Variants in SORCS2 observed in about 807,000 individuals in gnomAD.
The protein encoded by SORCS2 is sortilin related VPS10 domain containing receptor 2, also known as VPS10 domain-containing receptor SorCS2.
A neutral mutation model predicts 141.6 loss-of-function variants in SORCS2; 100 were observed. The ratio of observed to expected loss-of-function variants is 0.71; its 90% CI spans 0.60 to 0.83. The LOEUF (loss-of-function observed/expected upper bound fraction) is 0.83, where lower values mean the gene tolerates loss of function less well. Among genes scored for constraint, SORCS2 ranks in the 40% least tolerant of loss-of-function variants. The probability of loss-of-function intolerance (pLI) is 0.00; values close to 1 mark genes in which losing one functional copy is unlikely to be tolerated. For synonymous variants in SORCS2, 789 were observed against 676.9 expected, an observed-to-expected ratio of 1.17 and a Z score of -2.57; for missense variants, 1,646 against 1,560.2, an observed-to-expected ratio of 1.05 and a Z score of -0.93.
intron 3 of SORCS2, among the ~76,000 whole-genome samples, chr4:7,551,717 C>T: frequency 6.6e-6 from 1 of 152,228 alleles, no homozygotes; most frequent in East Asian, 1.9e-4. Flanking sequence ...GGAGCCTTCC[C>T]TGGCTCTCCA....
intron 4 of SORCS2, among the ~76,000 whole-genome samples, chr4:7,641,666 A>G (rs1183089847): frequency 6.6e-6 from 1 of 152,234 alleles, no homozygotes; most frequent in Non-Finnish European, 1.5e-5. Flanking sequence ...CCCGGCTGAA[A>G]ATATTAGTTG....
At position 7,723,810 on chromosome 4, in the gene SORCS2, C is replaced by T; in HGVS notation, c.2538C>T (p.Gly846=). ...TCCGGCACCGCTACGAGAGCCCCGG[C>T]ATCTACCGCGTGTCCGTCAGGGCAG... ...EPIRHRYESP[G]IYRVSVRAEN... Residue 846 remains glycine (G), a synonymous_variant, in exon 19 of 27, where the codon GGC becomes GGT. Coordinates refer to ENST00000507866, the MANE Select transcript of SORCS2 (RefSeq NM_020777.3). The T allele has an allele frequency of 1.2e-6, 2 of 1,613,712 alleles. No individual in the cohort carries two copies. Among genetic ancestry groups the T allele is most frequent in the African/African-American group, 1.3e-5 (1 of 75,080 alleles).
chr4:7,304,501 T>C (rs1235261318), intron 1 of SORCS2, among the ~76,000 whole-genome samples: 2 of 152,198 alleles, frequency 1.3e-5, no homozygotes, highest in Non-Finnish European at 2.9e-5. Flanking sequence ...ATCCAGTGTG[T>C]TTGTTGAACA....
At chr4:7,484,469 G>T (rs1254042733) in intron 2 of SORCS2, among the ~76,000 whole-genome samples, 3 of 152,132 alleles carry the variant, frequency 2.0e-5, no homozygotes, top group Non-Finnish European at 2.9e-5. Flanking sequence ...GGGAAGGAAC[G>T]CTGTCCAGGG....
intron 2 of SORCS2, among the ~76,000 whole-genome samples, chr4:7,491,819 A>G (rs1448977930): frequency 6.6e-6 from 1 of 152,046 alleles, no homozygotes; most frequent in East Asian, 1.9e-4. Context: ...CAGGGCACCC[A>G]TCAGGTCAGG....
In SORCS2 at chr4:7,737,131, GC is replaced by G; in HGVS notation, c.3377del (p.Pro1126LeufsTer2). ...MHNEKEQEMT[S>X]PVSHSEDVQG... ...AACGAGAAGGAGCAGGAGATGACCA[GC>G]CCTGTGAGTCACAGTGAGGACGTCC... On this transcript the variant is annotated frameshift_variant, in exon 26 of 27. Transcript: ENST00000507866. LOFTEE classifies it high-confidence loss of function. The G allele has an allele frequency of 6.4e-7, 1 of 1,551,452 alleles. No homozygotes were observed. Among genetic ancestry groups the G allele is most frequent in the East Asian group, 2.4e-5 (1 of 40,890 alleles).
intron 22 of SORCS2, 147 bp downstream of exon 22, chr4:7,728,609 T>C (rs981319845): frequency 2.1e-5 from 13 of 608,512 alleles, no homozygotes; most frequent in Non-Finnish European, 3.4e-5. Flanking sequence ...CAGCTGGGGA[T>C]GTTGAAAGCT....
chr4:7,706,081 G>GT (rs1560498563), intron 14 of SORCS2, among the ~76,000 whole-genome samples: 125 of 143,478 alleles, frequency 8.7e-4, no homozygotes, highest in East Asian at 2.7e-3. Flanking sequence ...GCTGGGCTCT[G>GT]CCTGGACAGA....
chr4:7,288,207 A>C (rs1431274691), intron 1 of SORCS2, among the ~76,000 whole-genome samples: 1 of 152,194 alleles, frequency 6.6e-6, no homozygotes, highest in Non-Finnish European at 1.5e-5. Context: ...CCTCAGGATG[A>C]GCACCTGAAG....
At chr4:7,710,965 C>T (rs749799886) in intron 14 of SORCS2, among the ~76,000 whole-genome samples, 3 of 152,204 alleles carry the variant, frequency 2.0e-5, no homozygotes, top group African/African-American at 7.2e-5. Flanking sequence ...AGCCCAGAAC[C>T]AGGGGCCTGG....
intron 3 of SORCS2, among the ~76,000 whole-genome samples, chr4:7,609,752 G>A (rs867903945): frequency 6.6e-5 from 10 of 152,218 alleles, no homozygotes; most frequent in Admixed American, 2.0e-4. Context: ...CCCATGACCC[G>A]GGACCTCCGG....
chr4:7,593,667 G>A (rs1717064940), intron 3 of SORCS2, among the ~76,000 whole-genome samples: 1 of 152,150 alleles, frequency 6.6e-6, no homozygotes. Flanking sequence ...GCGGGGGTGG[G>A]GGCGGCCCCA....
At chr4:7,375,662 G>T (rs1722592460) in intron 1 of SORCS2, among the ~76,000 whole-genome samples, 1 of 152,228 alleles carries the variant, frequency 6.6e-6, no homozygotes, top group African/African-American at 2.4e-5. Flanking sequence ...ACTGGTAATA[G>T]CAGCTGAAAG....
At chr4:7,324,080 A>G (rs926301694) in intron 1 of SORCS2, among the ~76,000 whole-genome samples, 2 of 152,058 alleles carry the variant, frequency 1.3e-5, no homozygotes, top group African/African-American at 4.8e-5. Flanking sequence ...AGGCTTGGGG[A>G]GGAGGGTGCC....
chr4:7,425,655 C>T (rs922673689), intron 2 of SORCS2, among the ~76,000 whole-genome samples: 5 of 152,188 alleles, frequency 3.3e-5, no homozygotes, highest in Non-Finnish European at 5.9e-5. Context: ...CATTTTACAG[C>T]GGGAAATTCA....
chr4:7,309,211 G>A (rs945511560), intron 1 of SORCS2, among the ~76,000 whole-genome samples: 22 of 152,200 alleles, frequency 1.4e-4, no homozygotes, highest in African/African-American at 5.3e-4. Context: ...GTGTGCAAGT[G>A]TGGAAGCTCC....
intron 1 of SORCS2, among the ~76,000 whole-genome samples, chr4:7,274,306 A>G (rs971807840): frequency 6.6e-6 from 1 of 152,248 alleles, no homozygotes; most frequent in African/African-American, 2.4e-5. Flanking sequence ...TTTATCCATC[A>G]TGGGTGAGGG....
intron 2 of SORCS2, among the ~76,000 whole-genome samples, chr4:7,470,385 C>CCA (rs59543534): frequency 0.077 from 8,057 of 105,264 alleles, 620 homozygotes; most frequent in African/African-American, 0.2. Flanking sequence ...ATCCATCCAT[C>CCA]TATCCTTCCA....
At chr4:7,528,556 C>G (rs1354514508) in intron 2 of SORCS2, among the ~76,000 whole-genome samples, 7 of 151,982 alleles carry the variant, frequency 4.6e-5, no homozygotes, top group Non-Finnish European at 1.0e-4. Flanking sequence ...CTCCTGAGTA[C>G]CTGGGATTAC....
Sources: allele counts gnomAD v4.1 joint callset (sites outside exome capture counted in the v4.1 genomes callset), GRCh38; gene constraint gnomAD v4.1.1; transcripts MANE v1.5; gene names NCBI Gene and HGNC (gene_info 2026-07-23, HGNC 2026-07-21).